Variants in SRD5A2 observed in about 807,000 individuals in gnomAD.
SRD5A2 encodes the protein 3-oxo-5-alpha-steroid 4-dehydrogenase 2.
In SRD5A2, 30 loss-of-function variants were observed where a neutral mutation model predicts 27.4. The ratio of observed to expected loss-of-function variants is 1.10; its 90% CI spans 0.82 to 1.49. SRD5A2 has a LOEUF of 1.49. SRD5A2 is among the 40% of genes most tolerant of loss of function. The probability of loss-of-function intolerance (pLI) is 0.00; values close to 1 mark genes in which losing one functional copy is unlikely to be tolerated. For synonymous variants in SRD5A2, 141 were observed against 133.6 expected (o/e 1.06, Z -0.38); for missense variants, 348 against 323.4 (o/e 1.08, Z -0.58).
the SRD5A2 span, among the ~76,000 whole-genome samples, chr2:31,632,259 A>G: frequency 6.6e-6 from 1 of 152,192 alleles, no homozygotes; most frequent in African/African-American, 2.4e-5. Context: ...TGCTTGAGTC[A>G]TGGCCCTCAG....
At chr2:31,528,313 C>T (rs1024521936) in intron 4 of SRD5A2, among the ~76,000 whole-genome samples, 1 of 152,192 alleles carries the variant, frequency 6.6e-6, no homozygotes, top group Non-Finnish European at 1.5e-5. Context: ...CCAAAATAAA[C>T]CCTGGCATTG....
intron 1 of SRD5A2, among the ~76,000 whole-genome samples, chr2:31,563,742 G>C (rs1229925493): frequency 6.6e-6 from 1 of 152,066 alleles, no homozygotes; most frequent in African/African-American, 2.4e-5. Flanking sequence ...AAGAATTAAA[G>C]GGAACAGTAT....
chr2:31,554,123 C>T (rs1666443189), intron 1 of SRD5A2, among the ~76,000 whole-genome samples: 1 of 152,120 alleles, frequency 6.6e-6, no homozygotes, highest in Non-Finnish European at 1.5e-5. Flanking sequence ...ATAGCTAAAA[C>T]CTACGGCCAA....
At chr2:31,599,549 C>T in the SRD5A2 span, among the ~76,000 whole-genome samples, 1 of 151,962 alleles carries the variant, frequency 6.6e-6, no homozygotes, top group Non-Finnish European at 1.5e-5. Context: ...CAACATGCTT[C>T]TGAATGAACA....
chr2:31,547,806 C>T (rs930961728), intron 1 of SRD5A2, among the ~76,000 whole-genome samples: 8 of 152,156 alleles, frequency 5.3e-5, no homozygotes, highest in African/African-American at 1.9e-4. Context: ...CCTACATAAT[C>T]AAGTGAGTCA....
the SRD5A2 span, among the ~76,000 whole-genome samples, chr2:31,589,243 A>G: frequency 6.6e-6 from 1 of 152,156 alleles, no homozygotes; most frequent in African/African-American, 2.4e-5. Flanking sequence ...CCATGTCAAG[A>G]GAGCTTGTAC....
chr2:31,530,271 A>G (rs1665876936), intron 3 of SRD5A2, among the ~76,000 whole-genome samples: 1 of 152,232 alleles, frequency 6.6e-6, no homozygotes, highest in Non-Finnish European at 1.5e-5. Context: ...GTTGGAAACT[A>G]ATCTTGGCAA....
intron 1 of SRD5A2, among the ~76,000 whole-genome samples, chr2:31,572,355 A>G (rs1666869024): frequency 6.6e-6 from 1 of 152,210 alleles, no homozygotes; most frequent in African/African-American, 2.4e-5. Flanking sequence ...ATCGGGTAGT[A>G]TGCTTATTAC....
In SRD5A2 at chr2:31,580,651, GAA is replaced by G; in HGVS notation, c.248_249del (p.Leu83ProfsTer52). On this transcript the variant is annotated frameshift_variant, in exon 1 of 5. Coordinates refer to ENST00000622030, the MANE Select transcript of SRD5A2 (RefSeq NM_000348.4). LOFTEE classifies it high-confidence loss of function. ...AAGTAATGTAGGCAGAAGAGGCCCA[GAA>G]GTACCGTCCCAGGTGGCCCGAAGAG... ...LSLFGPPGTVLLGLFCLHYFH... is the reference protein window; with the variant it reads ...LSLFGPPGTVXLGLFCLHYFH... 6.3e-7 allele frequency: 1 copy of G among 1,588,864 alleles called. No homozygotes were observed. Among genetic ancestry groups the G allele is most frequent in the Non-Finnish European group, 8.5e-7 (1 of 1,174,118 alleles).
the SRD5A2 span, among the ~76,000 whole-genome samples, chr2:31,615,033 C>T: frequency 6.6e-6 from 1 of 152,070 alleles, no homozygotes; most frequent in Non-Finnish European, 1.5e-5. Flanking sequence ...GTAAGACATG[C>T]CTTTCATCTT....
At chr2:31,605,920 T>C in the SRD5A2 span, among the ~76,000 whole-genome samples, 85 of 151,830 alleles carry the variant, frequency 5.6e-4, no homozygotes, top group Non-Finnish European at 3.0e-4. Context: ...ATAGATGAAT[T>C]AATAAAGAAA....
At chr2:31,578,443 C>T (rs1667005093) in intron 1 of SRD5A2, among the ~76,000 whole-genome samples, 1 of 152,114 alleles carries the variant, frequency 6.6e-6, no homozygotes, top group South Asian at 2.1e-4. Flanking sequence ...TTTCTTGCTC[C>T]AGTTTTCCAC....
chr2:31,566,353 G>A (rs1192542748), intron 1 of SRD5A2, among the ~76,000 whole-genome samples: 1 of 151,816 alleles, frequency 6.6e-6, no homozygotes, highest in Non-Finnish European at 1.5e-5. Context: ...ACATAATAAA[G>A]ATCAAAACAG....
At chr2:31,555,270 T>C (rs932691740) in intron 1 of SRD5A2, among the ~76,000 whole-genome samples, 6 of 152,104 alleles carry the variant, frequency 3.9e-5, no homozygotes, top group Admixed American at 1.3e-4. Flanking sequence ...TGCCACCCAA[T>C]ATTCATTCTC....
the SRD5A2 span, among the ~76,000 whole-genome samples, chr2:31,617,268 T>C: frequency 3.2e-4 from 49 of 152,212 alleles, no homozygotes; most frequent in African/African-American, 1.1e-3. Context: ...GTTGACCCCT[T>C]ATAGCCATAG....
At chr2:31,550,333 T>C (rs550495784) in intron 1 of SRD5A2, among the ~76,000 whole-genome samples, 1 of 151,812 alleles carries the variant, frequency 6.6e-6, no homozygotes, top group African/African-American at 2.4e-5. Flanking sequence ...CAATTCTATG[T>C]GATTTCTTCC....
the SRD5A2 span, among the ~76,000 whole-genome samples, chr2:31,599,021 T>C: frequency 6.6e-6 from 1 of 152,144 alleles, no homozygotes; most frequent in East Asian, 1.9e-4. Context: ...AGAAGTGCTA[T>C]ACTTATATCA....
chr2:31,580,552 G>A, intron 1 of SRD5A2, 68 bp downstream of exon 1: 1 of 1,422,064 alleles, frequency 7.0e-7, no homozygotes, highest in Non-Finnish European at 9.2e-7. Context: ...CGCGCTCCAC[G>A]CTGCGCTCCT....
the SRD5A2 span, among the ~76,000 whole-genome samples, chr2:31,600,955 G>C: frequency 2.0e-5 from 3 of 151,902 alleles, no homozygotes; most frequent in Non-Finnish European, 4.4e-5. Context: ...AAAATGATAT[G>C]ATCATTTCAA....
Sources: gnomAD v4.1 joint callset for allele counts (sites outside exome capture counted in the v4.1 genomes callset) on GRCh38, gnomAD v4.1.1 for gene constraint, MANE v1.5 for transcripts, NCBI Gene and HGNC (gene_info 2026-07-23, HGNC 2026-07-21) for gene names.